Variants in DNM3 observed in about 807,000 individuals in gnomAD.
The protein encoded by DNM3 is dynamin-3.
In DNM3, 47 loss-of-function variants were observed where a neutral mutation model predicts 101.6. The observed-to-expected ratio is 0.46, with a 90% CI of 0.37 to 0.59. The LOEUF (loss-of-function observed/expected upper bound fraction) is 0.59, where lower values mean the gene tolerates loss of function less well. DNM3 is among the 20% of genes least tolerant of loss of function. The pLI, the probability that DNM3 is intolerant of heterozygous loss-of-function variation, is 0.00. For missense variants in DNM3, 849 were observed against 1,085.7 expected (o/e 0.78, Z 3.06); for synonymous variants, 385 against 387.9 (o/e 0.99, Z 0.09).
chr1:172,027,617 C>CACACAGAG (rs34981346), intron 4 of DNM3, among the ~76,000 whole-genome samples: 1,508 of 147,078 alleles, frequency 0.01, 25 homozygotes, highest in African/African-American at 0.037. Context: ...CACACACACA[C>CACACAGAG]AGAGAGAGAG....
intron 1 of DNM3, among the ~76,000 whole-genome samples, chr1:171,862,681 T>C (rs188769419): frequency 3.0e-3 from 456 of 152,288 alleles, no homozygotes; most frequent in Admixed American, 5.1e-3. Context: ...ATCATGAATA[T>C]ACTAAAAAAT....
intron 7 of DNM3, among the ~76,000 whole-genome samples, chr1:172,041,136 C>T (rs903436946): frequency 2.0e-5 from 3 of 152,118 alleles, no homozygotes; most frequent in Non-Finnish European, 2.9e-5. Flanking sequence ...GCAGGATCAT[C>T]ATCTAGAGGA....
intron 15 of DNM3, among the ~76,000 whole-genome samples, chr1:172,280,583 G>C (rs779253324): frequency 2.0e-5 from 3 of 152,124 alleles, no homozygotes; most frequent in Non-Finnish European, 4.4e-5. Flanking sequence ...ATAACTACAT[G>C]TTTTGTGAGG....
intron 12 of DNM3, among the ~76,000 whole-genome samples, chr1:172,091,357 C>T (rs2053896503): frequency 6.6e-6 from 1 of 151,924 alleles, no homozygotes; most frequent in African/African-American, 2.4e-5. Flanking sequence ...GTGAGAAATG[C>T]CAGACAGAAA....
rs2031197360 is a variant in DNM3 at position 171,841,629 on chromosome 1, C to G, written c.-28C>G. ...GTCAGGTCGTAGAGGCGAGCAGGGA[C>G]CAGCTGGTCGCCGGCCCCTCGGGCA... On this transcript the variant is annotated 5_prime_UTR_variant, in exon 1 of 21. Transcript: ENST00000627582. The G allele has an allele frequency of 6.3e-7, 1 of 1,597,892 alleles. No homozygotes were observed. Among genetic ancestry groups the G allele is most frequent in the Non-Finnish European group, 8.5e-7 (1 of 1,173,506 alleles).
Position 172,088,091 on chromosome 1 carries a change from T to G in DNM3, c.1494-4733T>G, listed in dbSNP as rs542863161. Among the ~76,000 whole-genome samples the G allele has an allele frequency of 2.6e-3, 389 of 152,330 alleles. 3 individuals are homozygous for G. Among genetic ancestry groups the G allele is most frequent in the Non-Finnish European group, 4.7e-3 (320 of 68,032 alleles). ...AAAACAGAATTCCATACGTATTTCTTAAGATACTACCATAAACCCTCTGCT... is the reference window on the plus strand; with the variant it reads ...AAAACAGAATTCCATACGTATTTCTGAAGATACTACCATAAACCCTCTGCT... On this transcript the variant is annotated intron_variant, in intron 12 of 20. Coordinates refer to ENST00000627582, the MANE Select transcript of DNM3 (RefSeq NM_015569.5).
intron 1 of DNM3, among the ~76,000 whole-genome samples, chr1:171,849,268 T>A (rs963056097): frequency 6.6e-6 from 1 of 152,188 alleles, no homozygotes; most frequent in Non-Finnish European, 1.5e-5. Context: ...TGCCTCTGAC[T>A]CTCACTGGTA....
intron 14 of DNM3, among the ~76,000 whole-genome samples, chr1:172,201,437 G>T (rs1240116430): frequency 6.6e-6 from 1 of 152,144 alleles, no homozygotes; most frequent in Non-Finnish European, 1.5e-5. Context: ...ATGGTCTAGG[G>T]TTGTTTGCTT....
intron 1 of DNM3, among the ~76,000 whole-genome samples, chr1:171,885,206 A>G (rs1321279727): frequency 1.3e-5 from 2 of 152,126 alleles, no homozygotes; most frequent in Non-Finnish European, 2.9e-5. Context: ...GAAAATGGGT[A>G]TGGCACTTGG....
intron 14 of DNM3, among the ~76,000 whole-genome samples, chr1:172,198,757 C>T (rs1450489235): frequency 6.6e-6 from 1 of 151,768 alleles, no homozygotes; most frequent in Non-Finnish European, 1.5e-5. Context: ...TAAGTAGTAA[C>T]ATTCCCTTTA....
intron 1 of DNM3, among the ~76,000 whole-genome samples, chr1:171,902,660 ACC>A (rs1349277409): frequency 1.6e-4 from 25 of 151,748 alleles, no homozygotes; most frequent in African/African-American, 5.1e-4. Flanking sequence ...AGTGTTACCT[ACC>A]GTCTTTTATG....
At chr1:171,982,386 G>T (rs1472479371) in intron 2 of DNM3, among the ~76,000 whole-genome samples, 1 of 152,190 alleles carries the variant, frequency 6.6e-6, no homozygotes, top group Admixed American at 6.5e-5. Context: ...AGTCTCTGGA[G>T]CTAGGTAGAA....
At chr1:172,387,021 T>C in intron 18 of DNM3, 112 bp from the exon 19 acceptor site, 1 of 857,932 alleles carries the variant, frequency 1.2e-6, no homozygotes, top group Non-Finnish European at 1.9e-6. Flanking sequence ...CAGGGTGGAC[T>C]TTGGTGGACT....
At chr1:172,305,777 A>G (rs1015360864) in intron 15 of DNM3, among the ~76,000 whole-genome samples, 1 of 152,240 alleles carries the variant, frequency 6.6e-6, no homozygotes, top group African/African-American at 2.4e-5. Flanking sequence ...ACCGAAGAGA[A>G]AAACCACATG....
At chr1:172,198,023 A>G (rs577745651) in intron 14 of DNM3, among the ~76,000 whole-genome samples, 9 of 152,250 alleles carry the variant, frequency 5.9e-5, no homozygotes, top group Admixed American at 1.3e-4. Context: ...TTTCCCATTC[A>G]GTAAAATGTT....
intron 15 of DNM3, among the ~76,000 whole-genome samples, chr1:172,305,476 C>T (rs2064754670): frequency 6.6e-6 from 1 of 152,152 alleles, no homozygotes; most frequent in Non-Finnish European, 1.5e-5. Flanking sequence ...GGTAGCATTC[C>T]TTCTGAAACT....
intron 4 of DNM3, among the ~76,000 whole-genome samples, chr1:172,027,617 C>CACACACACACACACACACAGAGAG (rs34981346): frequency 7.3e-4 from 107 of 147,120 alleles, no homozygotes; most frequent in African/African-American, 2.6e-3. Context: ...CACACACACA[C>CACACACACACACACACACAGAGAG]AGAGAGAGAG....
intron 2 of DNM3, among the ~76,000 whole-genome samples, chr1:171,948,078 C>A (rs2042277342): frequency 6.6e-6 from 1 of 152,208 alleles, no homozygotes; most frequent in Admixed American, 6.5e-5. Context: ...GTAATTCCAT[C>A]TTCAGTAAGT....
chr1:172,161,239 T>A (rs1409103567), intron 14 of DNM3, among the ~76,000 whole-genome samples: 1 of 150,562 alleles, frequency 6.6e-6, no homozygotes, highest in Non-Finnish European at 1.5e-5. Flanking sequence ...AGATACAAAG[T>A]GGTGCTTGCC....
Sources: gnomAD v4.1 joint callset for allele counts (sites outside exome capture counted in the v4.1 genomes callset) on GRCh38, gnomAD v4.1.1 for gene constraint, MANE v1.5 for transcripts, NCBI Gene and HGNC (gene_info 2026-07-23, HGNC 2026-07-21) for gene names.